The following BCAS3 variants were observed in gnomAD, a reference collection of about 807,000 sequenced individuals.
BCAS3 encodes BCAS3 microtubule associated cell migration factor, also known as BCAS4/BCAS3 fusion.
BCAS3 carries 53 observed loss-of-function variants against 116.1 expected under a neutral mutation model. The observed-to-expected ratio is 0.46, with a 90% CI of 0.37 to 0.57. The LOEUF (loss-of-function observed/expected upper bound fraction) is 0.57, where lower values mean the gene tolerates loss of function less well. BCAS3 is among the 20% of genes least tolerant of loss of function. The pLI, the probability that BCAS3 is intolerant of heterozygous loss-of-function variation, is 0.00. For synonymous variants in BCAS3, 391 were observed against 408.2 expected, an observed-to-expected ratio of 0.96 and a Z score of 0.51; for missense variants, 917 against 1,165.4, an observed-to-expected ratio of 0.79 and a Z score of 3.10.
At chr17:60,852,844 T>G (rs1319528335) in intron 7 of BCAS3, among the ~76,000 whole-genome samples, 1 of 152,198 alleles carries the variant, frequency 6.6e-6, no homozygotes, top group Non-Finnish European at 1.5e-5. Flanking sequence ...TTATTGCTAG[T>G]GGGACTGCAA....
rs1302923094 is a variant in BCAS3, at chr17:61,158,823, A to T, written c.2425+74259A>T. ...AGATACTAACCGAAATGCAAAAATTAGCAGATAACAAAAGTGAACTTCTAA... is the reference window on the plus strand; with the variant it reads ...AGATACTAACCGAAATGCAAAAATTTGCAGATAACAAAAGTGAACTTCTAA... On this transcript the variant is annotated intron_variant, in intron 22 of 23. Coordinates refer to ENST00000407086, the MANE Select transcript of BCAS3 (RefSeq NM_017679.5). 2.6e-5 allele frequency among the ~76,000 whole-genome samples: 4 copies of T among 152,350 alleles called. No homozygotes were observed. In the East Asian group the frequency reaches 7.7e-4, roughly 29 times the overall value.
At chr17:61,230,986 A>T (rs2082645661) in intron 22 of BCAS3, among the ~76,000 whole-genome samples, 2 of 133,240 alleles carry the variant, frequency 1.5e-5, no homozygotes, top group Non-Finnish European at 1.6e-5. Flanking sequence ...TTTTTCTAAG[A>T]GATAAGGTCT....
intron 6 of BCAS3, among the ~76,000 whole-genome samples, chr17:60,777,902 T>C (rs900461188): frequency 4.6e-5 from 7 of 152,236 alleles, no homozygotes; most frequent in Non-Finnish European, 1.0e-4. Flanking sequence ...CTTTCAGTTT[T>C]TGGAGATTAG....
chr17:61,180,694 G>A lies in BCAS3; in HGVS notation c.2425+96130G>A, dbSNP rs2215295. 0.65 allele frequency among the ~76,000 whole-genome samples: 98,903 copies of A among 152,144 alleles called. 35,369 individuals are homozygous for A. The highest frequency in any genetic ancestry group is 0.87 in the South Asian group (4,179 of 4,822). ...GTCCCATGCTTCGTGTCTGCACAGT[G>A]GAACATAAAGCAGCAGCTTAGATGG... On this transcript the variant is annotated intron_variant, in intron 22 of 23. Transcript: ENST00000407086. The surrounding 1 kb of genome is among the most constrained non-coding windows in gnomAD (Gnocchi z 6.0).
chr17:61,147,197 C>A (rs968411798), intron 22 of BCAS3, among the ~76,000 whole-genome samples: 4 of 152,088 alleles, frequency 2.6e-5, no homozygotes, highest in African/African-American at 9.7e-5. Flanking sequence ...GCCTTAGCCT[C>A]CTGAGGACCT....
intron 16 of BCAS3, among the ~76,000 whole-genome samples, chr17:61,024,231 C>G (rs964755393): frequency 1.3e-5 from 2 of 152,144 alleles, no homozygotes; most frequent in African/African-American, 4.8e-5. Context: ...ACAGTAATTA[C>G]GTCAGTCACT....
intron 7 of BCAS3, among the ~76,000 whole-genome samples, chr17:60,821,484 C>CTCAT (rs1052140876): frequency 2.6e-5 from 4 of 152,084 alleles, no homozygotes; most frequent in Admixed American, 2.6e-4. Flanking sequence ...CCAAAGTTTC[C>CTCAT]TCATGTCTCT....
In BCAS3 at chr17:60,740,490, C is replaced by A. The variant is rs1170916097; in HGVS notation, c.322-6708C>A. ...CTCCAGCCTGGGTGACAGGGTGAGA[C>A]CCTGTCTCAAAAAAAAAAAAAAAAA... On this transcript the variant is annotated intron_variant, in intron 5 of 23. Coordinates refer to ENST00000407086, the MANE Select transcript of BCAS3 (RefSeq NM_017679.5). Among the ~76,000 whole-genome samples the A allele has an allele frequency of 5.6e-5, 8 of 142,422 alleles. No individual in the cohort carries two copies. In the Middle Eastern group the frequency reaches 0.014, roughly 258 times the overall value. The allele number at this position is 142,422 out of a possible 152,430, so 93.4% of individuals were successfully genotyped here.
Position 60,987,570 on chromosome 17 carries a change from C to T in BCAS3, c.1222-2401C>T, listed in dbSNP as rs370051717. Among the ~76,000 whole-genome samples, 201 of 151,340 alleles carry T rather than the reference C, an allele frequency of 1.3e-3. 1 individual carries two copies. The highest frequency in any genetic ancestry group is 4.2e-3 in the African/African-American group (172 of 41,396). On this transcript the variant is annotated intron_variant, in intron 14 of 23. Coordinates refer to ENST00000407086, the MANE Select transcript of BCAS3 (RefSeq NM_017679.5). ...GAGATCTTTCACTTTTTTTGTTAAT[C>T]GCTAGTTATTTATTTGTAGCTATTG...
chr17:61,312,853 C>G (rs1465482470), intron 22 of BCAS3, among the ~76,000 whole-genome samples: 1 of 152,222 alleles, frequency 6.6e-6, no homozygotes, highest in Admixed American at 6.5e-5. Flanking sequence ...AAAGAGCTTT[C>G]TAAGTGCCTG....
Position 60,825,525 on chromosome 17 carries a change from ATTATAATAATTTATAAATAATTAT to A in BCAS3, c.476+17475_476+17498del, listed in dbSNP as rs1215874840. On this transcript the variant is annotated intron_variant, in intron 7 of 23. Transcript: ENST00000407086. ...TAATTATTTATAATAATTTATAAATATTATAATAATTTATAAATAATTATTTATAATAATTTATAAATAATTATT... is the reference window on the plus strand; with the variant it reads ...TAATTATTTATAATAATTTATAAATATTATAATAATTTATAAATAATTATT... 5.8e-3 allele frequency among the ~76,000 whole-genome samples: 814 copies of A among 139,408 alleles called. 9 individuals are homozygous for A. The highest frequency in any genetic ancestry group is 0.019 in the African/African-American group (726 of 37,494). 91.5% of individuals were successfully genotyped at this position (139,408 alleles called of 152,430 possible). A position where few individuals can be genotyped will look rare whatever the true frequency, so the allele number is the denominator to read the frequency against.
chr17:60,864,990 A>G (rs538849481), intron 7 of BCAS3, among the ~76,000 whole-genome samples: 119 of 152,306 alleles, frequency 7.8e-4, no homozygotes, highest in Non-Finnish European at 1.4e-3. Flanking sequence ...TGGGTCCAGT[A>G]TGTGGTGCCC....
intron 19 of BCAS3, among the ~76,000 whole-genome samples, chr17:61,059,602 A>G (rs1397414695): frequency 6.6e-6 from 1 of 152,160 alleles, no homozygotes; most frequent in Non-Finnish European, 1.5e-5. Flanking sequence ...TATGACAGAT[A>G]CTGCCAGGTG....
At chr17:60,713,496 C>T (rs995053129) in intron 5 of BCAS3, among the ~76,000 whole-genome samples, 12 of 152,022 alleles carry the variant, frequency 7.9e-5, no homozygotes, top group South Asian at 4.2e-4. Flanking sequence ...ACGTGTGTTG[C>T]GCATCTGCAG....
intron 4 of BCAS3, among the ~76,000 whole-genome samples, chr17:60,702,870 C>T (rs1006951728): frequency 1.3e-5 from 2 of 152,038 alleles, no homozygotes; most frequent in Admixed American, 6.6e-5. Flanking sequence ...AGATTACAGG[C>T]GTGAGCCACC....
At chr17:60,757,238 C>G (rs1370600070) in intron 6 of BCAS3, among the ~76,000 whole-genome samples, 1 of 151,704 alleles carries the variant, frequency 6.6e-6, no homozygotes, top group Non-Finnish European at 1.5e-5. Flanking sequence ...TTGCTTGAAC[C>G]TAGGAGGCAG....
intron 16 of BCAS3, among the ~76,000 whole-genome samples, chr17:61,033,063 A>G (rs1409309524): frequency 6.6e-6 from 1 of 152,178 alleles, no homozygotes; most frequent in Non-Finnish European, 1.5e-5. Context: ...GAACTGGGAA[A>G]CTGAGATTAC....
chr17:61,301,259 A>G (rs1760044368), intron 22 of BCAS3, among the ~76,000 whole-genome samples: 1 of 152,208 alleles, frequency 6.6e-6, no homozygotes, highest in Admixed American at 6.5e-5. Context: ...CTCAGAGTCT[A>G]AAATATTTGC....
intron 4 of BCAS3, among the ~76,000 whole-genome samples, chr17:60,706,760 A>AAAAC (rs2037192027): frequency 6.6e-6 from 1 of 150,812 alleles, no homozygotes; most frequent in African/African-American, 2.5e-5. Flanking sequence ...CTCTGTCTCA[A>AAAAC]AAAACAAAAC....
Sources: allele counts gnomAD v4.1 joint callset (sites outside exome capture counted in the v4.1 genomes callset), GRCh38; gene constraint gnomAD v4.1.1; non-coding constraint Gnocchi (gnomAD v3.1); transcripts MANE v1.5; gene names NCBI Gene and HGNC (gene_info 2026-07-23, HGNC 2026-07-21).